DPYSL3: variants seen among roughly 807,000 people sequenced by gnomAD.
The protein encoded by DPYSL3 is dihydropyrimidinase like 3.
In DPYSL3, 16 loss-of-function variants were observed where a neutral mutation model predicts 66.1. The ratio of observed to expected loss-of-function variants is 0.24; its 90% CI spans 0.16 to 0.37. The LOEUF (loss-of-function observed/expected upper bound fraction) is 0.37, where lower values mean the gene tolerates loss of function less well. Ranked by LOEUF, DPYSL3 falls within the 10% of genes least tolerant of loss-of-function variation. The pLI, the probability that DPYSL3 is intolerant of heterozygous loss-of-function variation, is 1.00. For missense variants in DPYSL3, 738 were observed against 916.2 expected, an observed-to-expected ratio of 0.81 and a Z score of 2.51; for synonymous variants, 338 against 345.1, an observed-to-expected ratio of 0.98 and a Z score of 0.23.
chr5:147,452,147 G>A (rs1479159909), intron 1 of DPYSL3, among the ~76,000 whole-genome samples: 2 of 152,108 alleles, frequency 1.3e-5, no homozygotes, highest in African/African-American at 4.8e-5. Context: ...GGTATGGTGC[G>A]GCAAAAGAAA....
chr5:147,500,343 G>A (rs1425477918), intron 1 of DPYSL3, among the ~76,000 whole-genome samples: 1 of 152,146 alleles, frequency 6.6e-6, no homozygotes, highest in Non-Finnish European at 1.5e-5. Flanking sequence ...GCCAGGTGCG[G>A]TGGCTCACGC....
chr5:147,487,363 T>G (rs1026448208), intron 1 of DPYSL3, among the ~76,000 whole-genome samples: 1 of 152,254 alleles, frequency 6.6e-6, no homozygotes, highest in Non-Finnish European at 1.5e-5. Context: ...TCAGGCATCC[T>G]GAAAGGGGAA....
intron 1 of DPYSL3, among the ~76,000 whole-genome samples, chr5:147,426,508 G>A (rs897359550): frequency 1.9e-4 from 29 of 152,114 alleles, no homozygotes; most frequent in Non-Finnish European, 7.4e-5. Context: ...GCTCTAGAAT[G>A]CACTGCTCAG....
At chr5:147,496,430 T>A (rs1249486036) in intron 1 of DPYSL3, among the ~76,000 whole-genome samples, 48 of 151,956 alleles carry the variant, frequency 3.2e-4, no homozygotes, top group South Asian at 1.5e-3. Flanking sequence ...GCTTCTGCAC[T>A]GCAAAAGAAA....
chr5:147,394,343 T>C (rs1350047886), intron 13 of DPYSL3, among the ~76,000 whole-genome samples: 2 of 152,202 alleles, frequency 1.3e-5, no homozygotes, highest in Non-Finnish European at 2.9e-5. Context: ...AGTTCTTATC[T>C]AGATTTCATC....
At chr5:147,445,292 C>T (rs769734008) in intron 1 of DPYSL3, among the ~76,000 whole-genome samples, 2 of 152,216 alleles carry the variant, frequency 1.3e-5, no homozygotes, top group Non-Finnish European at 2.9e-5. Flanking sequence ...TCAGGCCCTG[C>T]ATTACAATGA....
chr5:147,416,639 C>T (rs1392111133), intron 3 of DPYSL3, among the ~76,000 whole-genome samples: 1 of 152,144 alleles, frequency 6.6e-6, no homozygotes, highest in Non-Finnish European at 1.5e-5. Context: ...GACAACTTTC[C>T]AGAGAGCAGC....
chr5:147,465,864 A>T lies in DPYSL3; in HGVS notation c.382-40901T>A, dbSNP rs1326052454. 2.0e-5 allele frequency among the ~76,000 whole-genome samples: 3 copies of T among 152,202 alleles called. No homozygotes were observed. The East Asian group carries it at 5.8e-4, about 29-fold the overall frequency. The stretch of plus-strand genomic sequence containing the variant: ...ACGGCTTAACTTGTCCCTCTCCCTG[A>T]TCCTTCTTTTTCTCTTCCCTTCCAC... On this transcript the variant is annotated intron_variant, in intron 1 of 13. Transcript: ENST00000343218.
At chr5:147,485,514 A>G (rs1218151221) in intron 1 of DPYSL3, among the ~76,000 whole-genome samples, 1 of 152,210 alleles carries the variant, frequency 6.6e-6, no homozygotes, top group East Asian at 1.9e-4. Flanking sequence ...TAAATATTTC[A>G]GTCGTTTTAT....
Position 147,509,978 on chromosome 5 carries a change from C to A in DPYSL3, c.-120G>T. ...GGAGGAGGCGCCTGAGCCTTCGCGCCAGAGGCGGCAGTGCTGCTCCGATTC... is the reference window on the plus strand; with the variant it reads ...GGAGGAGGCGCCTGAGCCTTCGCGCAAGAGGCGGCAGTGCTGCTCCGATTC... On this transcript the variant is annotated 5_prime_UTR_variant, in exon 1 of 14. Coordinates refer to ENST00000343218, the MANE Select transcript of DPYSL3 (RefSeq NM_001197294.2). The surrounding 1 kb of genome is among the most constrained non-coding windows in gnomAD (Gnocchi z 5.3). 7.2e-7 allele frequency: 1 copy of A among 1,395,732 alleles called. No homozygotes were observed. Among genetic ancestry groups the A allele is most frequent in the Non-Finnish European group, 9.4e-7 (1 of 1,064,880 alleles). 86.5% of individuals were successfully genotyped at this position (1,395,732 alleles called of 1,614,324 possible). A position where few individuals can be genotyped will look rare whatever the true frequency, so the allele number is the denominator to read the frequency against.
chr5:147,408,818 G>C, intron 6 of DPYSL3, 22 bp from the exon 7 acceptor site: 1 of 1,613,698 alleles, frequency 6.2e-7, no homozygotes, highest in Non-Finnish European at 8.5e-7. Context: ...AAAGAAAATA[G>C]TTCTTCAATA....
chr5:147,483,567 T>G (rs1753282609), intron 1 of DPYSL3, among the ~76,000 whole-genome samples: 1 of 152,228 alleles, frequency 6.6e-6, no homozygotes, highest in Non-Finnish European at 1.5e-5. Flanking sequence ...ACTCAGACTT[T>G]CTCATTTATT....
chr5:147,456,169 G>A (rs1049911734), intron 1 of DPYSL3, among the ~76,000 whole-genome samples: 3 of 152,116 alleles, frequency 2.0e-5, no homozygotes, highest in African/African-American at 7.2e-5. Flanking sequence ...CCAAAATAAA[G>A]CCTCTAAGAT....
At chr5:147,470,015 G>A (rs1159954376) in intron 1 of DPYSL3, among the ~76,000 whole-genome samples, 2 of 152,154 alleles carry the variant, frequency 1.3e-5, no homozygotes, top group Non-Finnish European at 2.9e-5. Flanking sequence ...CATCCATTTT[G>A]TCTGAGACGT....
At chr5:147,407,702 A>T (rs7714137) in intron 7 of DPYSL3, among the ~76,000 whole-genome samples, 3,058 of 152,206 alleles carry the variant, frequency 0.02, 105 homozygotes, top group African/African-American at 0.07. Flanking sequence ...CATTCCATAG[A>T]AGTGACCTAG....
chr5:147,459,612 A>AT (rs1277754413), intron 1 of DPYSL3, among the ~76,000 whole-genome samples: 1 of 152,218 alleles, frequency 6.6e-6, no homozygotes, highest in Non-Finnish European at 1.5e-5. Context: ...AAAAAAAAAA[A>AT]ATTACAGCCA....
At chr5:147,411,641 T>G (rs1751854555) in intron 6 of DPYSL3, among the ~76,000 whole-genome samples, 4 of 152,094 alleles carry the variant, frequency 2.6e-5, no homozygotes, top group Admixed American at 2.6e-4. Context: ...CACACAGTAG[T>G]CAGTGCTCAC....
In DPYSL3 at chr5:147,397,174, C is replaced by CTA. The variant is rs9325042; in HGVS notation, c.1803+490_1803+491dup. On this transcript the variant is annotated intron_variant, in intron 12 of 13. Transcript: ENST00000343218. ...TGCACACATGTATGTATCTATAGACCTATATATATATATATACACACATAT... is the reference window on the plus strand; with the variant it reads ...TGCACACATGTATGTATCTATAGACCTATATATATATATATATACACACATAT... Among the ~76,000 whole-genome samples, 79 of 147,940 alleles carry CTA rather than the reference C, an allele frequency of 5.3e-4. 1 individual carries two copies. The highest frequency in any genetic ancestry group is 2.3e-3 in the South Asian group (11 of 4,722).
intron 1 of DPYSL3, among the ~76,000 whole-genome samples, chr5:147,449,582 C>T (rs766060306): frequency 3.9e-4 from 59 of 152,332 alleles, no homozygotes; most frequent in Non-Finnish European, 6.6e-4. Context: ...AGCTGCTGCA[C>T]CATGGCAGCC....
Sources: allele counts gnomAD v4.1 joint callset (sites outside exome capture counted in the v4.1 genomes callset), GRCh38; gene constraint gnomAD v4.1.1; non-coding constraint Gnocchi (gnomAD v3.1); transcripts MANE v1.5; gene names NCBI Gene and HGNC (gene_info 2026-07-23, HGNC 2026-07-21).